USP31: variants seen among roughly 807,000 people sequenced by gnomAD.
USP31 encodes the protein ubiquitin specific peptidase 31, also known as ubiquitin carboxyl-terminal hydrolase 31.
USP31 carries 44 observed loss-of-function variants against 119.4 expected under a neutral mutation model. That is an observed-to-expected ratio of 0.37 (90% CI 0.29 to 0.47). USP31 has a LOEUF of 0.47. Ranked by LOEUF, USP31 falls within the 20% of genes least tolerant of loss-of-function variation. The pLI is 0.99. For synonymous variants in USP31, 749 were observed against 705.6 expected (o/e 1.06, Z -0.97); for missense variants, 1,643 against 1,730.2 (o/e 0.95, Z 0.89).
intron 1 of USP31, among the ~76,000 whole-genome samples, chr16:23,138,636 CTACCTTG>C (rs1223738842): frequency 6.6e-6 from 1 of 152,204 alleles, no homozygotes; most frequent in African/African-American, 2.4e-5. Flanking sequence ...TCCTCCCATT[CTACCTTG>C]TACCTTGTAC....
chr16:23,094,614 A>G (rs1052963813), intron 6 of USP31, among the ~76,000 whole-genome samples: 1 of 152,224 alleles, frequency 6.6e-6, no homozygotes, highest in African/African-American at 2.4e-5. Flanking sequence ...CAGACACCTC[A>G]TACAGGCGGG....
At chr16:23,082,680 G>T in intron 11 of USP31, 123 bp from the exon 12 acceptor site, 1 of 1,317,624 alleles carries the variant, frequency 7.6e-7, no homozygotes, top group Non-Finnish European at 1.0e-6. Context: ...CAGATGCTGG[G>T]CATCAATGGA....
intron 1 of USP31, among the ~76,000 whole-genome samples, chr16:23,112,858 G>A (rs918956773): frequency 1.3e-5 from 2 of 151,706 alleles, no homozygotes; most frequent in East Asian, 2.0e-4. Context: ...GAGAAATCCC[G>A]TCTCTACTAA....
intron 6 of USP31, among the ~76,000 whole-genome samples, chr16:23,094,422 T>C (rs1019479862): frequency 5.3e-5 from 8 of 152,172 alleles, no homozygotes; most frequent in Admixed American, 5.2e-4. Context: ...GGGCAGGGCA[T>C]AGCTGAACAA....
At chr16:23,078,310 CAAAAA>C (rs34288248) in intron 13 of USP31, among the ~76,000 whole-genome samples, 20 of 71,140 alleles carry the variant, frequency 2.8e-4, no homozygotes, top group Admixed American at 1.7e-3. Context: ...GACTCCGTCG[CAAAAA>C]AAAAAAAAAA....
rs1164649366 is a variant in USP31 at position 23,063,020 on chromosome 16, C to G, written c.*5026G>C. 6.6e-6 allele frequency: 1 copy of G among 152,460 alleles called. No homozygotes were observed. The highest frequency in any genetic ancestry group is 1.5e-5 in the Non-Finnish European group (1 of 68,042). The allele number at this position is 152,460 out of a possible 1,614,324, so 9.4% of individuals were successfully genotyped here. A position where few individuals can be genotyped will look rare whatever the true frequency, so the allele number is the denominator to read the frequency against. Reference sequence around the variant, plus strand: ...GAAGCTTTTAAAATACATGGTAATTCCTGGATCCCACCCCTACATGAATTA... The same window carrying G: ...GAAGCTTTTAAAATACATGGTAATTGCTGGATCCCACCCCTACATGAATTA... On this transcript the variant is annotated 3_prime_UTR_variant, in exon 16 of 16. Transcript: ENST00000219689.
intron 1 of USP31, among the ~76,000 whole-genome samples, chr16:23,147,868 C>T (rs970368298): frequency 1.3e-5 from 2 of 152,218 alleles, no homozygotes; most frequent in African/African-American, 4.8e-5. Flanking sequence ...TGCTTGAGCC[C>T]AGGAGTTTGA....
At chr16:23,117,484 C>A (rs1310302234) in intron 1 of USP31, among the ~76,000 whole-genome samples, 1 of 152,100 alleles carries the variant, frequency 6.6e-6, no homozygotes, top group Non-Finnish European at 1.5e-5. Flanking sequence ...CTCGTGAAAC[C>A]ACAAAACTAA....
At position 23,066,071 on chromosome 16, in the gene USP31, G is replaced by A. The variant is rs1900054829; in HGVS notation, c.*1975C>T. ...GCTGAACGCAATGACAGCATCGAAG[G>A]CAGCCAGTTGCCGCAGATGTACTGA... On this transcript the variant is annotated 3_prime_UTR_variant, in exon 16 of 16. Transcript: ENST00000219689. 1 of 152,202 alleles carries A rather than the reference G, an allele frequency of 6.6e-6. No individual in the cohort carries two copies. The highest frequency in any genetic ancestry group is 6.5e-5 in the Admixed American group (1 of 15,292). 9.4% of individuals were successfully genotyped at this position (152,202 alleles called of 1,614,324 possible).
chr16:23,072,287 G>A lies in USP31; in HGVS notation c.2336-90C>T. The stretch of plus-strand genomic sequence containing the variant: ...CACCCTCATGAAGGTGTTACGAGCT[G>A]AGCTGGGGGGCGTTGATGTCCTCAC... On this transcript the variant is annotated intron_variant, in intron 14 of 15. Coordinates refer to ENST00000219689, the MANE Select transcript of USP31 (RefSeq NM_020718.4). 3.3e-6 allele frequency: 5 copies of A among 1,525,512 alleles called. 1 individual carries two copies. In the South Asian group the frequency reaches 5.9e-5, roughly 18 times the overall value. The allele number at this position is 1,525,512 out of a possible 1,614,324, so 94.5% of individuals were successfully genotyped here. A position where few individuals can be genotyped will look rare whatever the true frequency, so the allele number is the denominator to read the frequency against.
At chr16:23,118,127 C>T (rs1902556188) in intron 1 of USP31, among the ~76,000 whole-genome samples, 1 of 152,052 alleles carries the variant, frequency 6.6e-6, no homozygotes. Flanking sequence ...TTCTCTGAGC[C>T]TCAGTCATCT....
chr16:23,149,365 G>A lies in USP31; in HGVS notation c.-95C>T. ...CATCCCGCAGCGCCGCGCCTCACCGGGCCCGGGGGCTCGACGCCCCACACA... is the reference window on the plus strand; with the variant it reads ...CATCCCGCAGCGCCGCGCCTCACCGAGCCCGGGGGCTCGACGCCCCACACA... On this transcript the variant is annotated 5_prime_UTR_variant, in exon 1 of 16. Transcript: ENST00000219689. 1.0e-6 allele frequency: 1 copy of A among 990,650 alleles called. No individual in the cohort carries two copies. Among genetic ancestry groups the A allele is most frequent in the Non-Finnish European group, 1.2e-6 (1 of 834,914 alleles). 61.4% of individuals were successfully genotyped at this position (990,650 alleles called of 1,614,324 possible).
Position 23,084,989 on chromosome 16 carries a change from G to A in USP31, c.1701C>T (p.Phe567=). ...VVEWDKETRD[F]LFVNTEDEYI... ...ACTCATCCTCAGTATTTACAAATAA[G>A]CTGCAATTAGGGGGAAAAGCATCTA... The change falls in exon 11 of 16, where the codon TTC becomes TTT. Residue 567 remains phenylalanine (F), a splice_region_variant and synonymous_variant. Transcript: ENST00000219689. The A allele has an allele frequency of 6.2e-7, 1 of 1,613,528 alleles. No individual in the cohort carries two copies. Among genetic ancestry groups the A allele is most frequent in the Non-Finnish European group, 8.5e-7 (1 of 1,179,832 alleles).
At chr16:23,094,390 C>A (rs889433505) in intron 6 of USP31, among the ~76,000 whole-genome samples, 35 of 152,216 alleles carry the variant, frequency 2.3e-4, no homozygotes, top group African/African-American at 8.4e-4. Context: ...AGGCCTGCTG[C>A]CTCTATAGAC....
In USP31 at chr16:23,134,442, A is replaced by G. The variant is rs376377289; in HGVS notation, c.633+14196T>C. On this transcript the variant is annotated intron_variant, in intron 1 of 15. Transcript: ENST00000219689. ...TGTTTTCAAAACAGCCTTATGAAAC[A>G]GATATACTCTTATCTCCACTTTACA... Among the ~76,000 whole-genome samples, 14 of 152,328 alleles carry G rather than the reference A, an allele frequency of 9.2e-5. No individual in the cohort carries two copies. In the East Asian group the frequency reaches 2.5e-3, roughly 27 times the overall value.
intron 1 of USP31, among the ~76,000 whole-genome samples, 187 bp downstream of exon 1, chr16:23,148,443 TTGAGTGAG>T (rs549839091): frequency 2.9e-4 from 44 of 152,324 alleles, no homozygotes; most frequent in African/African-American, 1.0e-3. Flanking sequence ...AAATACATGT[TTGAGTGAG>T]TGAGTGAGTG....
intron 1 of USP31, among the ~76,000 whole-genome samples, chr16:23,116,735 C>T (rs1270889079): frequency 6.6e-6 from 1 of 152,164 alleles, no homozygotes; most frequent in Non-Finnish European, 1.5e-5. Context: ...CCCTCCACCA[C>T]ACCCTTCAAA....
In USP31 at chr16:23,117,945, C is replaced by T. The variant is rs183155526; in HGVS notation, c.634-9762G>A. Among the ~76,000 whole-genome samples the T allele has an allele frequency of 1.9e-3, 293 of 152,154 alleles. 1 individual carries two copies. The highest frequency in any genetic ancestry group is 3.0e-3 in the Non-Finnish European group (206 of 67,998). On this transcript the variant is annotated intron_variant, in intron 1 of 15. Transcript: ENST00000219689. ...CTGGGACTACAGGTGCACGCCACCA[C>T]GTCCTGCTAATTTTTGTATTTTTAG...
At chr16:23,077,771 C>G (rs1900644182) in intron 13 of USP31, among the ~76,000 whole-genome samples, 1 of 152,190 alleles carries the variant, frequency 6.6e-6, no homozygotes, top group Admixed American at 6.5e-5. Context: ...ACCCTCACAT[C>G]AACGAATAAA....
Sources: gnomAD v4.1 joint callset for allele counts (sites outside exome capture counted in the v4.1 genomes callset) on GRCh38, gnomAD v4.1.1 for gene constraint, MANE v1.5 for transcripts, NCBI Gene and HGNC (gene_info 2026-07-23, HGNC 2026-07-21) for gene names.